RBM4: variants seen among roughly 807,000 people sequenced by gnomAD.
RBM4 encodes the protein RNA-binding protein 4.
RBM4 carries 7 observed loss-of-function variants against 29.5 expected under a neutral mutation model. That is an observed-to-expected ratio of 0.24 (90% CI 0.14 to 0.45). The LOEUF is 0.45. Among genes scored for constraint, RBM4 ranks in the 20% least tolerant of loss-of-function variants. RBM4 has a pLI of 1.00. For missense variants in RBM4, 387 were observed against 502.3 expected (o/e 0.77, Z 2.19); for synonymous variants, 220 against 205.4 (o/e 1.07, Z -0.61).
chr11:66,652,086 A>G (rs565747945), intron 2 of RBM4, among the ~76,000 whole-genome samples: 3 of 152,256 alleles, frequency 2.0e-5, no homozygotes, highest in South Asian at 2.1e-4. Flanking sequence ...GGTAATACGT[A>G]TAAGAGCAAA....
chr11:66,643,074 C>G lies in RBM4; in HGVS notation c.413-376C>G, dbSNP rs1938536916. Among the ~76,000 whole-genome samples, 2 of 152,130 alleles carry G rather than the reference C, an allele frequency of 1.3e-5. No individual in the cohort carries two copies. The highest frequency in any genetic ancestry group is 4.1e-4 in the South Asian group (2 of 4,826). On this transcript the variant is annotated intron_variant, in intron 2 of 3. Coordinates refer to ENST00000310092, the MANE Select transcript of RBM4 (RefSeq NM_002896.4). This position sits in a 1 kb window ranked among gnomAD's most constrained non-coding sequence, Gnocchi z 6.1. The stretch of plus-strand genomic sequence containing the variant: ...CTTTGCTTAATGAAAATCCATCTTG[C>G]TAGTAAGGATTGGAGGTGTCAGAAA...
At chr11:66,648,670 C>CG (rs1255528576), downstream of RBM4, among the ~76,000 whole-genome samples, 1 of 151,746 alleles carries the variant, frequency 6.6e-6, no homozygotes, top group Admixed American at 6.6e-5. Flanking sequence ...ATAAGTTAGC[C>CG]GGGCATGGTG....
intron 2 of RBM4, among the ~76,000 whole-genome samples, chr11:66,659,891 T>C (rs1939041089): frequency 6.6e-6 from 1 of 152,218 alleles, no homozygotes; most frequent in African/African-American, 2.4e-5. Flanking sequence ...CTCCATTTAA[T>C]AGCCAGAATG....
chr11:66,644,043 G>C lies in RBM4; in HGVS notation c.1006G>C (p.Ala336Pro), dbSNP rs376508670. Reference protein sequence around the residue: ...GYGHESELSQASAAARNSLYD... With the variant: ...GYGHESELSQPSAAARNSLYD... ...CGGGCATGAGAGTGAGTTGTCCCAA[G>C]CTTCAGCAGCCGCGCGGAATTCTCT... The change falls in exon 3 of 4, where the codon GCT becomes CCT. Residue 336 changes from alanine (A) to proline (P), a missense_variant. Ala to Pro is a conservative substitution (Grantham distance 27, BLOSUM62 -1). This residue lies in a region of RBM4 where 281 missense variants were observed against 288.7 expected (regional missense o/e 0.97). Transcript: ENST00000310092. 8 of 1,613,852 alleles carry C rather than the reference G, an allele frequency of 5.0e-6. No individual in the cohort carries two copies. Among genetic ancestry groups the C allele is most frequent in the African/African-American group, 1.3e-5 (1 of 74,912 alleles).
intron 1 of RBM4, chr11:66,639,192 A>G (rs1425503905): frequency 6.5e-6 from 1 of 154,368 alleles, no homozygotes; most frequent in Non-Finnish European, 1.4e-5. Flanking sequence ...TTTATCTCCC[A>G]CTCCTCGCTG....
chr11:66,647,144 T>C (rs188975763), downstream of RBM4, among the ~76,000 whole-genome samples: 4 of 152,358 alleles, frequency 2.6e-5, no homozygotes, highest in East Asian at 3.9e-4. Flanking sequence ...GAAACAGTTA[T>C]TTGTCTTCCA....
intron 2 of RBM4, among the ~76,000 whole-genome samples, chr11:66,664,171 G>GTTT (rs767344100): frequency 4.7e-4 from 53 of 113,536 alleles, no homozygotes; most frequent in East Asian, 1.1e-3. Flanking sequence ...ATGCCCAGCT[G>GTTT]TTTTTTTTTT....
At chr11:66,641,218 A>G (rs769167775) in intron 2 of RBM4, 3 of 152,226 alleles carry the variant, frequency 2.0e-5, no homozygotes, top group African/African-American at 4.8e-5. Context: ...ACTCCTTGCT[A>G]TATTTCAAAC....
At chr11:66,642,350 C>G (rs1488869343) in intron 2 of RBM4, among the ~76,000 whole-genome samples, 1 of 152,140 alleles carries the variant, frequency 6.6e-6, no homozygotes, top group Non-Finnish European at 1.5e-5. Flanking sequence ...GAAGTTTTTG[C>G]AGGATTTGGA....
chr11:66,667,011 A>G (rs549723914), exon 3 of RBM4: 1 of 151,778 alleles, frequency 6.6e-6, no homozygotes, highest in South Asian at 2.1e-4. Flanking sequence ...GGGATCCTCC[A>G]GCCTCAGCTT....
At chr11:66,651,154 T>C (rs1183015678), downstream of RBM4, among the ~76,000 whole-genome samples, 1 of 152,106 alleles carries the variant, frequency 6.6e-6, no homozygotes, top group East Asian at 1.9e-4. Flanking sequence ...AGTGAGATCA[T>C]TGATCATTGG....
At chr11:66,662,254 A>G (rs564026472) in intron 2 of RBM4, among the ~76,000 whole-genome samples, 1 of 152,320 alleles carries the variant, frequency 6.6e-6, no homozygotes, top group East Asian at 1.9e-4. Context: ...TCAGGTACTC[A>G]GTAACCACAG....
chr11:66,657,584 G>A (rs956014166), intron 2 of RBM4, among the ~76,000 whole-genome samples: 3 of 149,604 alleles, frequency 2.0e-5, no homozygotes, highest in Non-Finnish European at 3.0e-5. Flanking sequence ...TTGGGAGGCT[G>A]AGGCAGAAGA....
downstream of RBM4, chr11:66,646,532 G>A (rs998233070): frequency 9.1e-6 from 9 of 988,030 alleles, no homozygotes; most frequent in Non-Finnish European, 1.1e-5. Context: ...GTACCTTGAA[G>A]GGGAGGGTAT....
At position 66,643,698 on chromosome 11, in the gene RBM4, T is replaced by C; in HGVS notation, c.661T>C (p.Tyr221His). 1 of 1,614,170 alleles carries C rather than the reference T, an allele frequency of 6.2e-7. No homozygotes were observed. ...CAACGCGTACGGAGCGCTCGATGCC[T>C]ACTACAAGCGCTGCCGTGCTGCCCG... is the stretch of plus-strand genomic sequence containing the variant. Reference protein sequence around the residue: ...YNNAYGALDAYYKRCRAARSY... With the variant: ...YNNAYGALDAHYKRCRAARSY... Residue 221 changes from tyrosine (Y) to histidine (H), a missense_variant, in exon 3 of 4, where the codon TAC (tyrosine) becomes CAC (histidine). Around this residue, in one of 2 missense-constraint regions of RBM4, gnomAD observed 281 missense variants for 288.7 expected, o/e 0.97. Transcript: ENST00000310092. The surrounding 1 kb of genome is among the most constrained non-coding windows in gnomAD (Gnocchi z 6.1).
chr11:66,657,541 G>T (rs1461789533), intron 2 of RBM4, among the ~76,000 whole-genome samples: 2 of 151,784 alleles, frequency 1.3e-5, no homozygotes, highest in African/African-American at 2.4e-5. Flanking sequence ...ATATTAGCCA[G>T]TTGTCGTGGT....
At chr11:66,654,355 G>T (rs1938898568) in intron 2 of RBM4, among the ~76,000 whole-genome samples, 1 of 151,802 alleles carries the variant, frequency 6.6e-6, no homozygotes, top group South Asian at 2.1e-4. Context: ...AATTAGCTGG[G>T]CGTGGTGGCG....
chr11:66,665,050 A>G (rs769037595), intron 2 of RBM4: 2 of 152,562 alleles, frequency 1.3e-5, no homozygotes, highest in South Asian at 4.1e-4. Flanking sequence ...AAAAGGGAGG[A>G]GTGGAGTAAA....
At chr11:66,659,203 C>T (rs1259433716) in intron 2 of RBM4, among the ~76,000 whole-genome samples, 5 of 150,540 alleles carry the variant, frequency 3.3e-5, no homozygotes, top group Non-Finnish European at 5.9e-5. Flanking sequence ...CAGTTTGAAA[C>T]CTCTCTTCTG....
Sources: gnomAD v4.1 joint callset for allele counts (sites outside exome capture counted in the v4.1 genomes callset) on GRCh38, gnomAD v4.1.1 for gene constraint, gnomAD v4.1.1 regional missense constraint, Gnocchi (gnomAD v3.1) non-coding constraint, MANE v1.5 for transcripts, NCBI Gene and HGNC (gene_info 2026-07-23, HGNC 2026-07-21) for gene names.